CNTNAP2: variants seen among roughly 807,000 people sequenced by gnomAD.
CNTNAP2 encodes contactin-associated protein-like 2.
Under a neutral mutation model 155.2 loss-of-function variants are expected in CNTNAP2, and 98 were observed. The ratio of observed to expected loss-of-function variants is 0.63; its 90% confidence interval spans 0.54 to 0.75. The LOEUF is 0.75. CNTNAP2 is among the 30% of genes least tolerant of loss of function. The probability of loss-of-function intolerance (pLI) is 0.00; values close to 1 mark genes in which losing one functional copy is unlikely to be tolerated. For missense variants in CNTNAP2, 1,727 were observed against 1,688.1 expected, an observed-to-expected ratio of 1.02 and a Z score of -0.40; for synonymous variants, 651 against 631.2, an observed-to-expected ratio of 1.03 and a Z score of -0.47.
At chr7:147,404,066 C>T (rs2116473415) in intron 10 of CNTNAP2, among the ~76,000 whole-genome samples, 1 of 152,160 alleles carries the variant, frequency 6.6e-6, no homozygotes, top group South Asian at 2.1e-4. Flanking sequence ...TGTCTTTTAC[C>T]ATTAGGTGCT....
intron 1 of CNTNAP2, among the ~76,000 whole-genome samples, chr7:146,622,112 A>G (rs898421775): frequency 7.3e-6 from 1 of 136,320 alleles, no homozygotes; most frequent in African/African-American, 3.0e-5. Context: ...TACAACTTGC[A>G]TCACTGTTAT....
chr7:146,743,861 T>A (rs1472715619), intron 1 of CNTNAP2, among the ~76,000 whole-genome samples: 1 of 152,138 alleles, frequency 6.6e-6, no homozygotes, highest in African/African-American at 2.4e-5. Context: ...TGTTTATTGC[T>A]TAAATTAGAG....
intron 21 of CNTNAP2, among the ~76,000 whole-genome samples, chr7:148,300,272 G>C (rs914139981): frequency 3.9e-5 from 6 of 152,126 alleles, no homozygotes; most frequent in African/African-American, 1.4e-4. Flanking sequence ...TTATGTTAGA[G>C]AGAAACAAAG....
At chr7:147,100,009 T>C (rs1800622274) in intron 4 of CNTNAP2, among the ~76,000 whole-genome samples, 1 of 152,244 alleles carries the variant, frequency 6.6e-6, no homozygotes, top group African/African-American at 2.4e-5. Context: ...TTCTGCATTA[T>C]TGGATATATG....
intron 10 of CNTNAP2, among the ~76,000 whole-genome samples, chr7:147,440,397 T>C (rs949932927): frequency 6.6e-6 from 1 of 152,136 alleles, no homozygotes; most frequent in African/African-American, 2.4e-5. Context: ...TAACTATTTG[T>C]TGTTTCTATT....
At chr7:146,187,661 C>T (rs759084031) in intron 1 of CNTNAP2, among the ~76,000 whole-genome samples, 7 of 152,090 alleles carry the variant, frequency 4.6e-5, no homozygotes, top group Non-Finnish European at 1.0e-4. Context: ...CTCTCCTCCC[C>T]CTCCTTCCCT....
Position 146,766,616 on chromosome 7 carries a change from C to T in CNTNAP2, c.98-7655C>T, listed in dbSNP as rs192501261. On this transcript the variant is annotated intron_variant, in intron 1 of 23. Transcript: ENST00000361727. ...ATCCTTTAGCTGTGAGATCTGAAGC[C>T]TCCTCATCTATAAAATGGTAATACT... Among the ~76,000 whole-genome samples, 325 of 152,206 alleles carry T rather than the reference C, an allele frequency of 2.1e-3. 2 individuals carry two copies. Among genetic ancestry groups the T allele is most frequent in the African/African-American group, 7.5e-3 (310 of 41,524 alleles).
At position 147,851,801 on chromosome 7, in the gene CNTNAP2, C is replaced by A. The variant is rs183730091; in HGVS notation, c.2099-51764C>A. 4.9e-3 allele frequency among the ~76,000 whole-genome samples: 744 copies of A among 151,810 alleles called. 1 individual carries two copies. The highest frequency in any genetic ancestry group is 0.037 in the Middle Eastern group (11 of 294). On this transcript the variant is annotated intron_variant, in intron 13 of 23. Transcript: ENST00000361727. ...GGGAAGGATAGCATTAGGAGATATA[C>A]CTAATGTAAATGACGAGTTAATGGG...
At chr7:148,000,947 C>A (rs763269462) in intron 15 of CNTNAP2, among the ~76,000 whole-genome samples, 1 of 152,174 alleles carries the variant, frequency 6.6e-6, no homozygotes, top group African/African-American at 2.4e-5. Flanking sequence ...TGGGGGCTCA[C>A]GGCAGCCCTT....
In CNTNAP2 at chr7:147,347,468, A is replaced by G. The variant is rs1353553982; in HGVS notation, c.1498+47178A>G. Among the ~76,000 whole-genome samples, 7 of 48,470 alleles carry G rather than the reference A, an allele frequency of 1.4e-4. 1 individual carries two copies. Among genetic ancestry groups the G allele is most frequent in the Admixed American group, 1.1e-3 (5 of 4,722 alleles). The allele number at this position is 48,470 out of a possible 152,430, so 31.8% of individuals were successfully genotyped here. ...TATATATATATATGCATATATATATATATATATGCATATATATATATATGC... is the reference window on the plus strand; with the variant it reads ...TATATATATATATGCATATATATATGTATATATGCATATATATATATATGC... On this transcript the variant is annotated intron_variant, in intron 9 of 23. Transcript: ENST00000361727.
chr7:147,452,697 C>A (rs1797853810), intron 10 of CNTNAP2, among the ~76,000 whole-genome samples: 1 of 152,094 alleles, frequency 6.6e-6, no homozygotes, highest in Admixed American at 6.6e-5. Flanking sequence ...TTGGTGTAAC[C>A]TAATATATAT....
intron 1 of CNTNAP2, among the ~76,000 whole-genome samples, chr7:146,546,905 A>G (rs1156537123): frequency 1.3e-5 from 2 of 151,996 alleles, no homozygotes; most frequent in Admixed American, 6.6e-5. Context: ...TATGGGAACT[A>G]CAATTCAAGA....
At chr7:146,678,476 C>T (rs1247530352) in intron 1 of CNTNAP2, among the ~76,000 whole-genome samples, 1 of 152,022 alleles carries the variant, frequency 6.6e-6, no homozygotes, top group Non-Finnish European at 1.5e-5. Context: ...AAATGCAAAA[C>T]AATTATTTAT....
At chr7:146,868,251 TC>T (rs1255128274) in intron 3 of CNTNAP2, among the ~76,000 whole-genome samples, 1 of 152,168 alleles carries the variant, frequency 6.6e-6, no homozygotes, top group Non-Finnish European at 1.5e-5. Flanking sequence ...TAGCCAGTTA[TC>T]CCAGCACCAT....
At chr7:147,179,393 A>G (rs1016293313) in intron 8 of CNTNAP2, among the ~76,000 whole-genome samples, 3 of 152,218 alleles carry the variant, frequency 2.0e-5, no homozygotes, top group Non-Finnish European at 4.4e-5. Flanking sequence ...CTACAGAATT[A>G]GAAGCTCCCA....
chr7:147,505,336 A>G lies in CNTNAP2; in HGVS notation c.1777+19295A>G, dbSNP rs181155280. ...TATTATTTTGTAACTTCTAAAAACT[A>G]TAAAAGACCTTCAAACAATAAAATG... On this transcript the variant is annotated intron_variant, in intron 11 of 23. Transcript: ENST00000361727. Among the ~76,000 whole-genome samples, 7 of 152,194 alleles carry G rather than the reference A, an allele frequency of 4.6e-5. No homozygotes were observed. The East Asian group carries it at 5.8e-4, about 13-fold the overall frequency.
chr7:146,925,820 G>A (rs1301056336), intron 3 of CNTNAP2, among the ~76,000 whole-genome samples: 1 of 152,024 alleles, frequency 6.6e-6, no homozygotes, highest in Non-Finnish European at 1.5e-5. Flanking sequence ...TAACCTTTTG[G>A]TCAAAATCAG....
At chr7:147,959,398 G>T (rs192763087) in intron 14 of CNTNAP2, among the ~76,000 whole-genome samples, 1 of 152,072 alleles carries the variant, frequency 6.6e-6, no homozygotes. Flanking sequence ...CAAGGCAAGC[G>T]AGCCCCAAAG....
chr7:146,970,322 G>T (rs1418712116), intron 3 of CNTNAP2, among the ~76,000 whole-genome samples: 1 of 151,614 alleles, frequency 6.6e-6, no homozygotes, highest in East Asian at 1.9e-4. Context: ...CTGACAAAGG[G>T]CTACTATCCA....
Sources: gnomAD v4.1 joint callset for allele counts (sites outside exome capture counted in the v4.1 genomes callset) on GRCh38, gnomAD v4.1.1 for gene constraint, MANE v1.5 for transcripts, NCBI Gene and HGNC (gene_info 2026-07-23, HGNC 2026-07-21) for gene names.